The following ARHGAP26 variants were observed in gnomAD, a reference collection of about 807,000 sequenced individuals.
ARHGAP26 encodes the protein Rho GTPase activating protein 26, also known as rho GTPase-activating protein 26.
Under a neutral mutation model 104.8 loss-of-function variants are expected in ARHGAP26, and 38 were observed. That is an observed-to-expected ratio of 0.36 (90% CI 0.28 to 0.48). ARHGAP26 has a LOEUF of 0.48. Among genes scored for constraint, ARHGAP26 ranks in the 20% least tolerant of loss-of-function variants. The pLI is 0.99. For missense variants in ARHGAP26, 704 were observed against 947.9 expected (o/e 0.74, Z 3.38); for synonymous variants, 341 against 340.0 (o/e 1.00, Z -0.03).
At chr5:143,030,540 A>G (rs1781693813) in intron 12 of ARHGAP26, among the ~76,000 whole-genome samples, 1 of 152,204 alleles carries the variant, frequency 6.6e-6, no homozygotes, top group South Asian at 2.1e-4. Context: ...GTATTGATAC[A>G]GGAAGGAAGG....
At chr5:143,177,519 T>C (rs143432663) in intron 20 of ARHGAP26, among the ~76,000 whole-genome samples, 94 of 152,314 alleles carry the variant, frequency 6.2e-4, no homozygotes, top group African/African-American at 2.3e-3. Context: ...GTATTTGATA[T>C]GCATGCTCAC....
At chr5:142,962,093 C>T (rs903393143) in intron 11 of ARHGAP26, among the ~76,000 whole-genome samples, 23 of 152,188 alleles carry the variant, frequency 1.5e-4, no homozygotes, top group Admixed American at 3.3e-4. Context: ...AGGAGAAATG[C>T]GAGTGGCGAA....
intron 6 of ARHGAP26, among the ~76,000 whole-genome samples, chr5:142,900,283 CATT>C (rs1317541661): frequency 6.6e-6 from 1 of 152,144 alleles, no homozygotes; most frequent in East Asian, 1.9e-4. Context: ...GAAAAACATT[CATT>C]ATCAGTCTCT....
rs376062186 is a variant in ARHGAP26, at chr5:142,997,752, C to CT, written c.1108-16315dup. 5.5e-3 allele frequency among the ~76,000 whole-genome samples: 804 copies of CT among 145,100 alleles called. 4 individuals carry two copies. Among genetic ancestry groups the CT allele is most frequent in the African/African-American group, 0.015 (583 of 39,820 alleles). The stretch of plus-strand genomic sequence containing the variant: ...CCTTTTCACACTCCATTTAGTGCTA[C>CT]TTTTTTTTTTTTTCATTTTGTGGTT... On this transcript the variant is annotated intron_variant, in intron 11 of 22. Transcript: ENST00000645722.
chr5:142,966,083 G>T (rs1771270384), intron 11 of ARHGAP26, among the ~76,000 whole-genome samples: 2 of 152,184 alleles, frequency 1.3e-5, no homozygotes, highest in Admixed American at 1.3e-4. Flanking sequence ...GATTCTATAA[G>T]GTTGGGATGG....
At chr5:142,794,046 C>G (rs1447155638) in intron 1 of ARHGAP26, among the ~76,000 whole-genome samples, 3 of 152,224 alleles carry the variant, frequency 2.0e-5, no homozygotes, top group Non-Finnish European at 4.4e-5. Context: ...GATGTTCTAA[C>G]TGAAGACCTG....
chr5:142,980,587 C>G (rs1236083618), intron 11 of ARHGAP26, among the ~76,000 whole-genome samples: 1 of 151,900 alleles, frequency 6.6e-6, no homozygotes, highest in Admixed American at 6.6e-5. Flanking sequence ...TGGGGTTTCA[C>G]CATGTTGGCC....
At chr5:143,149,081 G>A (rs3776277) in intron 20 of ARHGAP26, among the ~76,000 whole-genome samples, 7,608 of 152,054 alleles carry the variant, frequency 0.05, 588 homozygotes, top group African/African-American at 0.17. Context: ...GGGATTTTTT[G>A]TTTTTTAGGT....
At chr5:142,909,855 C>G (rs1761589435) in intron 9 of ARHGAP26, among the ~76,000 whole-genome samples, 1 of 152,126 alleles carries the variant, frequency 6.6e-6, no homozygotes. Context: ...GGCCTTTTAT[C>G]TTGGGCTTTC....
chr5:143,037,734 T>A (rs1782864810), intron 13 of ARHGAP26, among the ~76,000 whole-genome samples: 1 of 152,184 alleles, frequency 6.6e-6, no homozygotes, highest in Admixed American at 6.5e-5. Context: ...GTTGCTTACA[T>A]CCATAAAGGA....
chr5:142,867,421 A>G (rs941904568), intron 1 of ARHGAP26, among the ~76,000 whole-genome samples: 10 of 152,088 alleles, frequency 6.6e-5, no homozygotes, highest in African/African-American at 1.9e-4. Context: ...AATGAAGCAC[A>G]TCGAACTAGG....
At chr5:143,158,883 A>G (rs1031475640) in intron 20 of ARHGAP26, among the ~76,000 whole-genome samples, 1 of 152,204 alleles carries the variant, frequency 6.6e-6, no homozygotes, top group Non-Finnish European at 1.5e-5. Context: ...CCACAAACAA[A>G]CAAACAAACA....
chr5:142,903,762 A>G (rs749086101), intron 8 of ARHGAP26, 93 bp downstream of exon 8: 9 of 1,315,598 alleles, frequency 6.8e-6, no homozygotes, highest in Non-Finnish European at 9.2e-6. Flanking sequence ...CTTACTGTAG[A>G]TACATGCTTG....
intron 2 of ARHGAP26, 86 bp downstream of exon 2, chr5:142,873,581 G>A (rs1755645887): frequency 7.6e-6 from 7 of 919,884 alleles, no homozygotes; most frequent in Non-Finnish European, 9.5e-6. Context: ...CCTGAGATAG[G>A]AAGTCTCTAA....
intron 1 of ARHGAP26, among the ~76,000 whole-genome samples, chr5:142,786,473 A>G (rs1758649626): frequency 6.6e-6 from 1 of 151,764 alleles, no homozygotes; most frequent in Non-Finnish European, 1.5e-5. Flanking sequence ...AGTTTAAAAA[A>G]GTGTTTTTAG....
At chr5:142,779,333 G>A (rs1757018588) in intron 1 of ARHGAP26, among the ~76,000 whole-genome samples, 1 of 152,166 alleles carries the variant, frequency 6.6e-6, no homozygotes, top group Non-Finnish European at 1.5e-5. Context: ...ATTTCACCTT[G>A]ATTGGAAGGC....
intron 5 of ARHGAP26, among the ~76,000 whole-genome samples, chr5:142,890,134 C>A (rs1176152155): frequency 2.1e-4 from 6 of 28,632 alleles, no homozygotes; most frequent in African/African-American, 4.5e-4. Context: ...GAAACTCCGT[C>A]TTAAAAAAAA....
intron 5 of ARHGAP26, among the ~76,000 whole-genome samples, chr5:142,892,280 C>T (rs1019057242): frequency 4.0e-5 from 6 of 151,870 alleles, no homozygotes; most frequent in African/African-American, 1.5e-4. Context: ...TCCCATGGAA[C>T]CCAGGTTGTC....
intron 11 of ARHGAP26, among the ~76,000 whole-genome samples, chr5:143,003,549 T>C (rs1032220671): frequency 1.3e-5 from 2 of 152,162 alleles, no homozygotes; most frequent in African/African-American, 4.8e-5. Flanking sequence ...AAATTAACCT[T>C]GATTGGAGAT....
Sources: gnomAD v4.1 joint callset for allele counts (sites outside exome capture counted in the v4.1 genomes callset) on GRCh38, gnomAD v4.1.1 for gene constraint, MANE v1.5 for transcripts, NCBI Gene and HGNC (gene_info 2026-07-23, HGNC 2026-07-21) for gene names.